Variants in MAML3 observed in about 807,000 individuals in gnomAD.
The protein encoded by MAML3 is mastermind like transcriptional coactivator 3.
Under a neutral mutation model 101.9 loss-of-function variants are expected in MAML3, and 27 were observed. The observed-to-expected ratio is 0.27, with a 90% confidence interval of 0.20 to 0.37. The LOEUF (loss-of-function observed/expected upper bound fraction) is 0.37. Ranked by LOEUF, MAML3 falls within the 10% of genes least tolerant of loss-of-function variation. MAML3 has a pLI of 1.00. For synonymous variants in MAML3, 501 were observed against 555.9 expected, an observed-to-expected ratio of 0.90 and a Z score of 1.39; for missense variants, 1,316 against 1,444.9, an observed-to-expected ratio of 0.91 and a Z score of 1.45.
intron 1 of MAML3, among the ~76,000 whole-genome samples, chr4:139,940,167 GT>G (rs1241788335): frequency 6.6e-6 from 1 of 152,110 alleles, no homozygotes; most frequent in Non-Finnish European, 1.5e-5. Context: ...GTTTCAAATT[GT>G]TTTTTAGGTG....
chr4:140,110,198 G>GTAAAT (rs1560896761), intron 1 of MAML3, among the ~76,000 whole-genome samples: 1 of 152,108 alleles, frequency 6.6e-6, no homozygotes, highest in Non-Finnish European at 1.5e-5. Flanking sequence ...GAAATCAGAC[G>GTAAAT]GTAAAATGTC....
chr4:140,124,865 T>C (rs1229609747), intron 1 of MAML3, among the ~76,000 whole-genome samples: 1 of 152,184 alleles, frequency 6.6e-6, no homozygotes, highest in African/African-American at 2.4e-5. Flanking sequence ...ACGAGAGCAA[T>C]TCCAGTATCT....
chr4:139,737,059 TGGA>T (rs1186326451), intron 2 of MAML3, among the ~76,000 whole-genome samples: 1 of 152,160 alleles, frequency 6.6e-6, no homozygotes, highest in Non-Finnish European at 1.5e-5. Context: ...AACTGTGCTG[TGGA>T]GGCTGAGGAG....
At chr4:139,778,220 T>G (rs758015062) in intron 2 of MAML3, among the ~76,000 whole-genome samples, 1 of 152,188 alleles carries the variant, frequency 6.6e-6, no homozygotes, top group Non-Finnish European at 1.5e-5. Flanking sequence ...CCAAGAGAGC[T>G]GGAGATGAGA....
rs145604356 is a variant in MAML3 at position 139,902,744 on chromosome 4, G to T, written c.469-11777C>A. On this transcript the variant is annotated intron_variant, in intron 1 of 4. Coordinates refer to ENST00000509479, the MANE Select transcript of MAML3 (RefSeq NM_018717.5). The stretch of plus-strand genomic sequence containing the variant: ...ACCAGCTGAAATTCATTTTTCAAAA[G>T]AAATTAGACCAAGGTACTGTTGTTA... 2.6e-5 allele frequency among the ~76,000 whole-genome samples: 4 copies of T among 152,294 alleles called. No homozygotes were observed. The East Asian group carries it at 7.7e-4, about 29-fold the overall frequency.
chr4:139,909,886 G>A (rs1260783222), intron 1 of MAML3, among the ~76,000 whole-genome samples: 1 of 142,600 alleles, frequency 7.0e-6, no homozygotes, highest in African/African-American at 2.5e-5. Context: ...GAGGCATCCA[G>A]CCATACACAT....
intron 2 of MAML3, among the ~76,000 whole-genome samples, chr4:139,832,342 C>A (rs1731183058): frequency 6.7e-6 from 1 of 149,638 alleles, no homozygotes; most frequent in Non-Finnish European, 1.5e-5. Context: ...GAAGTCCTGA[C>A]CTCAGGTGAT....
Position 139,719,156 on chromosome 4 carries a change from G to T in MAML3, c.*167C>A. 1 of 707,358 alleles carries T rather than the reference G, an allele frequency of 1.4e-6. No individual in the cohort carries two copies. The highest frequency in any genetic ancestry group is 2.3e-6 in the Non-Finnish European group (1 of 443,468). The allele number at this position is 707,358 out of a possible 1,614,324, so 43.8% of individuals were successfully genotyped here. A position where few individuals can be genotyped will look rare whatever the true frequency, so the allele number is the denominator to read the frequency against. On this transcript the variant is annotated 3_prime_UTR_variant, in exon 5 of 5. Coordinates refer to ENST00000509479, the MANE Select transcript of MAML3 (RefSeq NM_018717.5). The stretch of plus-strand genomic sequence containing the variant: ...GTGAAAATCAGGTGAAATGAGGCCT[G>T]GTGGGGCTGTGGATTGGCACCTGGA...
intron 1 of MAML3, among the ~76,000 whole-genome samples, chr4:139,943,069 G>T (rs1424322068): frequency 1.3e-5 from 2 of 152,110 alleles, no homozygotes; most frequent in East Asian, 3.9e-4. Flanking sequence ...TATGTGAAAT[G>T]GGGGTGCTGA....
chr4:139,772,975 A>C (rs577946359), intron 2 of MAML3, among the ~76,000 whole-genome samples: 1 of 152,174 alleles, frequency 6.6e-6, no homozygotes, highest in Non-Finnish European at 1.5e-5. Flanking sequence ...ATAATGTATC[A>C]CATTTCCTCT....
At chr4:140,089,651 G>C (rs1025371680) in intron 1 of MAML3, among the ~76,000 whole-genome samples, 2 of 152,154 alleles carry the variant, frequency 1.3e-5, no homozygotes, top group Non-Finnish European at 2.9e-5. Flanking sequence ...GATTCGAAAG[G>C]CTACCTATTC....
chr4:139,934,054 T>C (rs1733457442), intron 1 of MAML3, among the ~76,000 whole-genome samples: 3 of 152,074 alleles, frequency 2.0e-5, no homozygotes, highest in Admixed American at 2.0e-4. Flanking sequence ...ACACTAAGTG[T>C]GTGAATTTGT....
intron 1 of MAML3, among the ~76,000 whole-genome samples, chr4:139,920,884 G>A (rs968879573): frequency 1.3e-5 from 2 of 152,172 alleles, no homozygotes; most frequent in Admixed American, 6.5e-5. Context: ...GATAAAGACT[G>A]GTTTGGGCTC....
chr4:140,098,432 A>G (rs1728196136), intron 1 of MAML3, among the ~76,000 whole-genome samples: 1 of 152,208 alleles, frequency 6.6e-6, no homozygotes, highest in Non-Finnish European at 1.5e-5. Flanking sequence ...GCAATCATGC[A>G]TTTAGTAAAT....
intron 2 of MAML3, among the ~76,000 whole-genome samples, chr4:139,743,562 A>G (rs1474606513): frequency 2.0e-5 from 3 of 152,192 alleles, no homozygotes; most frequent in African/African-American, 7.2e-5. Flanking sequence ...CTAAATATAC[A>G]TGGCTGTAAA....
At chr4:140,003,566 C>T (rs915299384) in intron 1 of MAML3, among the ~76,000 whole-genome samples, 1 of 152,154 alleles carries the variant, frequency 6.6e-6, no homozygotes, top group African/African-American at 2.4e-5. Context: ...AGTGTCCTAT[C>T]TCACTGGCTT....
At position 139,954,213 on chromosome 4, in the gene MAML3, C is replaced by T. The variant is rs557124118; in HGVS notation, c.469-63246G>A. On this transcript the variant is annotated intron_variant, in intron 1 of 4. Coordinates refer to ENST00000509479, the MANE Select transcript of MAML3 (RefSeq NM_018717.5). The stretch of plus-strand genomic sequence containing the variant: ...AGATTTACGACCTAGGAAACTCAAA[C>T]GTGTCTGCTGAGACTAGGTGATGCC... Among the ~76,000 whole-genome samples, 4 of 152,316 alleles carry T rather than the reference C, an allele frequency of 2.6e-5. No homozygotes were observed. In the South Asian group the frequency reaches 6.2e-4, roughly 24 times the overall value.
In MAML3 at chr4:140,069,387, G is replaced by GA. The variant is rs1560883535; in HGVS notation, c.468+83472dup. On this transcript the variant is annotated intron_variant, in intron 1 of 4. Transcript: ENST00000509479. The stretch of plus-strand genomic sequence containing the variant: ...GAAGAAGAAGAAGAAGAAGAAGAAG[G>GA]AGGAGGAGGAGGAGGAGGAGGAGGA... Among the ~76,000 whole-genome samples the GA allele has an allele frequency of 7.2e-4, 36 of 49,956 alleles. 1 individual carries two copies. Among genetic ancestry groups the GA allele is most frequent in the Admixed American group, 4.9e-3 (18 of 3,674 alleles). The allele number at this position is 49,956 out of a possible 152,430, so 32.8% of individuals were successfully genotyped here.
intron 1 of MAML3, among the ~76,000 whole-genome samples, chr4:139,901,267 A>G (rs1024702864): frequency 6.6e-6 from 1 of 152,210 alleles, no homozygotes; most frequent in Non-Finnish European, 1.5e-5. Flanking sequence ...GAAGAGAGCA[A>G]ATGTGTGCAT....
Sources: allele counts gnomAD v4.1 joint callset (sites outside exome capture counted in the v4.1 genomes callset), GRCh38; gene constraint gnomAD v4.1.1; transcripts MANE v1.5; gene names NCBI Gene and HGNC (gene_info 2026-07-23, HGNC 2026-07-21).